Variants in BCAS3 observed in about 807,000 individuals in gnomAD.
BCAS3 encodes the protein BCAS3 microtubule associated cell migration factor, also known as BCAS4/BCAS3 fusion.
In BCAS3, 53 loss-of-function variants were observed where a neutral mutation model predicts 116.1. The observed-to-expected ratio is 0.46, with a 90% CI of 0.37 to 0.57. The LOEUF is 0.57. Ranked by LOEUF, BCAS3 falls within the 20% of genes least tolerant of loss-of-function variation. The pLI, the probability that BCAS3 is intolerant of heterozygous loss-of-function variation, is 0.00. For missense variants in BCAS3, 917 were observed against 1,165.4 expected (o/e 0.79, Z 3.10); for synonymous variants, 391 against 408.2 (o/e 0.96, Z 0.51).
chr17:60,731,796 T>TTTTTTTTTTTTTG (rs2040476984), intron 5 of BCAS3, among the ~76,000 whole-genome samples: 2 of 151,182 alleles, frequency 1.3e-5, no homozygotes, highest in African/African-American at 4.9e-5. Flanking sequence ...TTTTTTTTTT[T>TTTTTTTTTTTTTG]GAGGCAGAGT....
intron 22 of BCAS3, among the ~76,000 whole-genome samples, chr17:61,298,178 T>C (rs1035195701): frequency 6.6e-6 from 1 of 152,194 alleles, no homozygotes; most frequent in Non-Finnish European, 1.5e-5. Context: ...AATGGCAGCT[T>C]CTTCTCACTC....
At chr17:60,866,429 A>G (rs912201376) in intron 7 of BCAS3, among the ~76,000 whole-genome samples, 1 of 152,028 alleles carries the variant, frequency 6.6e-6, no homozygotes, top group Admixed American at 6.6e-5. Flanking sequence ...GCCCCCAGCT[A>G]TTTGCTAATA....
chr17:61,005,693 CTT>C (rs2064627026), intron 15 of BCAS3, among the ~76,000 whole-genome samples: 1 of 149,106 alleles, frequency 6.7e-6, no homozygotes, highest in African/African-American at 2.5e-5. Context: ...AGAAGAGAGT[CTT>C]TGCTCTTTCA....
intron 22 of BCAS3, among the ~76,000 whole-genome samples, chr17:61,115,145 A>C (rs951468616): frequency 6.6e-6 from 1 of 151,906 alleles, no homozygotes; most frequent in East Asian, 1.9e-4. Flanking sequence ...CCCTAGAAGA[A>C]AACCTAGGCA....
chr17:60,775,346 A>G (rs1391572077), intron 6 of BCAS3, among the ~76,000 whole-genome samples: 1 of 152,212 alleles, frequency 6.6e-6, no homozygotes, highest in Non-Finnish European at 1.5e-5. Flanking sequence ...ACTATCAACA[A>G]GGGACTACTA....
intron 6 of BCAS3, among the ~76,000 whole-genome samples, chr17:60,773,012 A>G (rs1014328518): frequency 6.6e-6 from 1 of 152,230 alleles, no homozygotes; most frequent in Non-Finnish European, 1.5e-5. Context: ...TGGTAAAAGT[A>G]TGTTTAGTTT....
chr17:61,343,369 T>C lies in BCAS3; in HGVS notation c.2426-24958T>C, dbSNP rs2057309115. Among the ~76,000 whole-genome samples the C allele has an allele frequency of 2.0e-5, 3 of 152,100 alleles. No individual in the cohort carries two copies. Among genetic ancestry groups the C allele is most frequent in the Admixed American group, 2.0e-4 (3 of 15,270 alleles). On this transcript the variant is annotated intron_variant, in intron 22 of 23. Coordinates refer to ENST00000407086, the MANE Select transcript of BCAS3 (RefSeq NM_017679.5). The surrounding 1 kb of genome is among the most constrained non-coding windows in gnomAD (Gnocchi z 5.5). ...CTCCGTCCTGTTCTCTAAGTACCAA[T>C]GGTCAGGCAGACACACCGACCCAGG...
In BCAS3 at chr17:60,964,699, A is replaced by G. The variant is rs1036586073; in HGVS notation, c.1221+17347A>G. 6.6e-6 allele frequency among the ~76,000 whole-genome samples: 1 copy of G among 152,006 alleles called. No individual in the cohort carries two copies. The highest frequency in any genetic ancestry group is 2.4e-5 in the African/African-American group (1 of 41,394). ...TTCTTGCTTTTTATGGAGGCTTTTT[A>G]TTACAGCTTCAGTTTTGTTACTTGT... is the stretch of plus-strand genomic sequence containing the variant. On this transcript the variant is annotated intron_variant, in intron 14 of 23. Coordinates refer to ENST00000407086, the MANE Select transcript of BCAS3 (RefSeq NM_017679.5). The surrounding 1 kb of genome is among the most constrained non-coding windows in gnomAD (Gnocchi z 4.6).
At chr17:60,787,066 A>G (rs571008747) in intron 6 of BCAS3, among the ~76,000 whole-genome samples, 3 of 152,160 alleles carry the variant, frequency 2.0e-5, no homozygotes, top group East Asian at 1.9e-4. Context: ...TTTTCTCACT[A>G]CCCTAATCAG....
intron 22 of BCAS3, among the ~76,000 whole-genome samples, chr17:61,137,250 C>T (rs564146671): frequency 2.0e-5 from 3 of 152,240 alleles, no homozygotes; most frequent in South Asian, 2.1e-4. Context: ...TGCTTAAAAT[C>T]GAGGTAACTA....
rs1480517117 is a variant in BCAS3, at chr17:61,374,647, C to T, written c.2593+6153C>T. Among the ~76,000 whole-genome samples, 4 of 152,190 alleles carry T rather than the reference C, an allele frequency of 2.6e-5. No individual in the cohort carries two copies. The East Asian group carries it at 7.7e-4, about 29-fold the overall frequency. ...CCTGCCGTCTCTTTAACAGTCTCTG[C>T]CCTAGCCAGAAGTAGTTATTCTTGG... is the stretch of plus-strand genomic sequence containing the variant. On this transcript the variant is annotated intron_variant, in intron 23 of 23. Transcript: ENST00000407086.
chr17:60,749,226 CTTGA>C (rs1241295050), intron 6 of BCAS3, among the ~76,000 whole-genome samples: 1 of 152,122 alleles, frequency 6.6e-6, no homozygotes, highest in Non-Finnish European at 1.5e-5. Flanking sequence ...TTCCTTCACT[CTTGA>C]TTGATTGTTT....
chr17:61,006,345 A>T (rs2064709518), intron 15 of BCAS3, among the ~76,000 whole-genome samples: 1 of 152,134 alleles, frequency 6.6e-6, no homozygotes, highest in Admixed American at 6.6e-5. Context: ...TAAATCTTGC[A>T]GTTAATTCTA....
chr17:61,075,142 G>A, intron 20 of BCAS3, 122 bp downstream of exon 20: 1 of 724,204 alleles, frequency 1.4e-6, no homozygotes, highest in Non-Finnish European at 2.2e-6. Context: ...TCAAGAATTA[G>A]TTGTCTTTCC....
At chr17:61,054,694 A>G (rs2143232634) in intron 19 of BCAS3, among the ~76,000 whole-genome samples, 1 of 152,320 alleles carries the variant, frequency 6.6e-6, no homozygotes, top group South Asian at 2.1e-4. Flanking sequence ...TGTTCTTAAT[A>G]TAGAAGTGAA....
intron 7 of BCAS3, among the ~76,000 whole-genome samples, chr17:60,846,251 T>G (rs2052525070): frequency 6.6e-6 from 1 of 152,120 alleles, no homozygotes. Flanking sequence ...CTTTATCAGT[T>G]TTTTCAGTCA....
At chr17:60,808,692 G>A (rs2048507448) in intron 7 of BCAS3, among the ~76,000 whole-genome samples, 1 of 152,200 alleles carries the variant, frequency 6.6e-6, no homozygotes, top group Non-Finnish European at 1.5e-5. Flanking sequence ...TTTGCCGGGT[G>A]TAGGATAAGG....
At chr17:60,769,923 C>G (rs373060571) in intron 6 of BCAS3, among the ~76,000 whole-genome samples, 1 of 151,590 alleles carries the variant, frequency 6.6e-6, no homozygotes, top group Non-Finnish European at 1.5e-5. Context: ...TACAGGTGCC[C>G]GCCACCATGC....
At chr17:60,768,779 G>T (rs1373201889) in intron 6 of BCAS3, among the ~76,000 whole-genome samples, 1 of 152,152 alleles carries the variant, frequency 6.6e-6, no homozygotes, top group Non-Finnish European at 1.5e-5. Context: ...TTGTCTTTCT[G>T]CTCCAGGATG....
Sources: gnomAD v4.1 joint callset for allele counts (sites outside exome capture counted in the v4.1 genomes callset) on GRCh38, gnomAD v4.1.1 for gene constraint, Gnocchi (gnomAD v3.1) non-coding constraint, MANE v1.5 for transcripts, NCBI Gene and HGNC (gene_info 2026-07-23, HGNC 2026-07-21) for gene names.